Variants in ENOX1 observed in about 807,000 individuals in gnomAD.
The protein encoded by ENOX1 is candidate growth-related and time keeping constitutive hydroquinone (NADH) oxidase.
In ENOX1, 42 loss-of-function variants were observed where a neutral mutation model predicts 82.5. The observed-to-expected ratio is 0.51, with a 90% CI of 0.40 to 0.66. The LOEUF is 0.66. Among genes scored for constraint, ENOX1 ranks in the 30% least tolerant of loss-of-function variants. The probability of loss-of-function intolerance (pLI) is 0.00; values close to 1 mark genes in which losing one functional copy is unlikely to be tolerated. For missense variants in ENOX1, 608 were observed against 811.6 expected (o/e 0.75, Z 3.05); for synonymous variants, 271 against 282.2 (o/e 0.96, Z 0.40).
intron 1 of ENOX1, among the ~76,000 whole-genome samples, chr13:43,722,094 C>G (rs886840417): frequency 1.3e-5 from 2 of 152,272 alleles, no homozygotes; most frequent in East Asian, 1.9e-4. Context: ...AGCTATATAA[C>G]CAAACAGAAA....
At chr13:43,274,944 T>C (rs1302707362) in intron 12 of ENOX1, among the ~76,000 whole-genome samples, 1 of 152,152 alleles carries the variant, frequency 6.6e-6, no homozygotes, top group Non-Finnish European at 1.5e-5. Flanking sequence ...ATAAGTGAGG[T>C]CACATTTCCA....
intron 14 of ENOX1, among the ~76,000 whole-genome samples, chr13:43,252,882 G>A (rs1268362985): frequency 6.6e-6 from 1 of 152,206 alleles, no homozygotes; most frequent in African/African-American, 2.4e-5. Context: ...CCCAGCAAGG[G>A]AAGGGGGGAT....
At chr13:43,350,959 G>T (rs1467871390) in intron 8 of ENOX1, among the ~76,000 whole-genome samples, 1 of 152,188 alleles carries the variant, frequency 6.6e-6, no homozygotes. Context: ...ATTCTAAAAT[G>T]CTTTTCTTTC....
At chr13:43,722,788 T>C (rs926311687) in intron 1 of ENOX1, among the ~76,000 whole-genome samples, 12 of 152,160 alleles carry the variant, frequency 7.9e-5, no homozygotes, top group Non-Finnish European at 1.2e-4. Flanking sequence ...TTCCACTGAA[T>C]TCAAAGTCAA....
At chr13:43,255,781 T>C (rs993525473) in intron 14 of ENOX1, among the ~76,000 whole-genome samples, 2 of 152,054 alleles carry the variant, frequency 1.3e-5, no homozygotes, top group Non-Finnish European at 2.9e-5. Context: ...CACAAAAAAA[T>C]GGAAAGATAT....
chr13:43,652,016 T>C (rs1310786902), intron 2 of ENOX1, among the ~76,000 whole-genome samples: 1 of 151,574 alleles, frequency 6.6e-6, no homozygotes, highest in Non-Finnish European at 1.5e-5. Context: ...ATCTTTTTGA[T>C]TGTTATATCT....
chr13:43,257,737 T>A (rs891408795), intron 14 of ENOX1, among the ~76,000 whole-genome samples: 2 of 152,240 alleles, frequency 1.3e-5, no homozygotes, highest in African/African-American at 4.8e-5. Context: ...AAGTTACCAA[T>A]CTCCATTCAA....
At chr13:43,227,567 C>T (rs1251732126) in intron 15 of ENOX1, among the ~76,000 whole-genome samples, 2 of 152,146 alleles carry the variant, frequency 1.3e-5, no homozygotes, top group Non-Finnish European at 2.9e-5. Flanking sequence ...ACTCTTAACC[C>T]GTCCTGTCAT....
chr13:43,470,999 C>T (rs989642250), intron 3 of ENOX1, among the ~76,000 whole-genome samples: 1 of 152,266 alleles, frequency 6.6e-6, no homozygotes, highest in Admixed American at 6.5e-5. Flanking sequence ...GACCAGAATC[C>T]TACTTTTAGA....
intron 10 of ENOX1, among the ~76,000 whole-genome samples, chr13:43,326,000 A>G (rs2048090644): frequency 6.6e-6 from 1 of 152,190 alleles, no homozygotes; most frequent in Admixed American, 6.5e-5. Context: ...GTTGCTTATG[A>G]TAAGAAAATA....
At chr13:43,480,948 ACT>A (rs1399184872) in intron 3 of ENOX1, among the ~76,000 whole-genome samples, 1 of 152,138 alleles carries the variant, frequency 6.6e-6, no homozygotes, top group Admixed American at 6.5e-5. Flanking sequence ...TCCTTCTCAA[ACT>A]CTTCTAAAAA....
chr13:43,725,071 GA>G lies in ENOX1; in HGVS notation c.-284-57528del, dbSNP rs1447258902. ...AAGGTAAAGTTCTCTGGCATACCTG[GA>G]ATTCAGACATGATTACATGGATATA... On this transcript the variant is annotated intron_variant, in intron 1 of 16. Transcript: ENST00000690772. Among the ~76,000 whole-genome samples the G allele has an allele frequency of 3.8e-4, 58 of 152,230 alleles. 1 individual carries two copies. Among genetic ancestry groups the G allele is most frequent in the Admixed American group, 3.6e-3 (55 of 15,294 alleles).
intron 11 of ENOX1, 103 bp from the exon 12 acceptor site, chr13:43,298,633 T>C (rs571399121): frequency 2.7e-6 from 3 of 1,115,276 alleles, no homozygotes; most frequent in South Asian, 3.7e-5. Flanking sequence ...TTAATGTTTG[T>C]ACCAGCTCAG....
intron 3 of ENOX1, among the ~76,000 whole-genome samples, chr13:43,474,196 G>C (rs1337973038): frequency 6.6e-6 from 1 of 151,988 alleles, no homozygotes; most frequent in Admixed American, 6.6e-5. Flanking sequence ...AGATAGCGAG[G>C]GTTTTTGTTG....
At chr13:43,378,385 C>G (rs751716329) in intron 5 of ENOX1, among the ~76,000 whole-genome samples, 1 of 152,184 alleles carries the variant, frequency 6.6e-6, no homozygotes, top group Non-Finnish European at 1.5e-5. Flanking sequence ...ACAAACACAT[C>G]TCTCCCTGGA....
intron 3 of ENOX1, among the ~76,000 whole-genome samples, chr13:43,472,366 AT>A (rs1266449071): frequency 6.6e-6 from 1 of 152,132 alleles, no homozygotes; most frequent in Non-Finnish European, 1.5e-5. Flanking sequence ...ATTCACCGTG[AT>A]TTTTTTCTAC....
At chr13:43,656,416 C>G (rs966229539) in intron 2 of ENOX1, among the ~76,000 whole-genome samples, 2 of 152,076 alleles carry the variant, frequency 1.3e-5, no homozygotes, top group African/African-American at 4.8e-5. Flanking sequence ...CTAATGCAAG[C>G]TGGGACTATT....
intron 2 of ENOX1, among the ~76,000 whole-genome samples, chr13:43,486,400 A>G (rs1566353634): frequency 6.6e-6 from 1 of 152,108 alleles, no homozygotes; most frequent in African/African-American, 2.4e-5. Flanking sequence ...AACAAAGACA[A>G]AAACAAACAA....
intron 16 of ENOX1, among the ~76,000 whole-genome samples, chr13:43,221,994 T>C (rs1244392181): frequency 6.6e-6 from 1 of 152,206 alleles, no homozygotes; most frequent in African/African-American, 2.4e-5. Flanking sequence ...ATATACTTTC[T>C]ACCCCAGGCA....
Sources: allele counts gnomAD v4.1 joint callset (sites outside exome capture counted in the v4.1 genomes callset), GRCh38; gene constraint gnomAD v4.1.1; transcripts MANE v1.5; gene names NCBI Gene and HGNC (gene_info 2026-07-23, HGNC 2026-07-21).